GCC2: variants seen among roughly 807,000 people sequenced by gnomAD.
GCC2 encodes the protein GRIP and coiled-coil domain-containing protein 2.
In GCC2, 120 loss-of-function variants were observed where a neutral mutation model predicts 210.6. The observed-to-expected ratio is 0.57, with a 90% CI of 0.49 to 0.66. The LOEUF is 0.66. GCC2 is among the 30% of genes least tolerant of loss of function. The pLI, the probability that GCC2 is intolerant of heterozygous loss-of-function variation, is 0.00. For synonymous variants in GCC2, 703 were observed against 652.7 expected, an observed-to-expected ratio of 1.08 and a Z score of -1.17; for missense variants, 1,868 against 1,871.9, an observed-to-expected ratio of 1.00 and a Z score of 0.04.
At chr2:108,482,177 A>G (rs1191994623) in intron 10 of GCC2, 110 bp from the exon 11 acceptor site, 2 of 669,002 alleles carry the variant, frequency 3.0e-6, no homozygotes, top group African/African-American at 1.8e-5. Flanking sequence ...GGACTTGGAA[A>G]TCTTCATTTG....
chr2:108,494,310 G>A (rs182130050), intron 19 of GCC2: 1 of 152,432 alleles, frequency 6.6e-6, no homozygotes, highest in Admixed American at 6.5e-5. Context: ...GGAGGCAGAG[G>A]TTGCTGTGAG....
Position 108,484,158 on chromosome 2 carries a change from C to A in GCC2, c.3460C>A (p.Gln1154Lys). The A allele has an allele frequency of 6.3e-7, 1 of 1,576,626 alleles. No individual in the cohort carries two copies. The highest frequency in any genetic ancestry group is 1.4e-5 in the African/African-American group (1 of 72,552). Residue 1154 changes from glutamine to lysine, a missense_variant, in exon 13 of 23, where the codon CAA (glutamine) becomes AAA (lysine). Coordinates refer to ENST00000309863, the MANE Select transcript of GCC2 (RefSeq NM_181453.4). ...ELELVKKDAQ[Q>K]TTLMNMEIAD... The stretch of plus-strand genomic sequence containing the variant: ...CTTATAAAATGTGCAGGATGCCCAA[C>A]AAACCACATTGATGAATATGGAAAT...
chr2:108,506,036 G>T (rs552317666), intron 22 of GCC2, among the ~76,000 whole-genome samples: 2 of 152,236 alleles, frequency 1.3e-5, no homozygotes, highest in African/African-American at 4.8e-5. Context: ...CAAGAGGAAT[G>T]AAAACCAGTA....
At position 108,495,828 on chromosome 2, in the gene GCC2, G is replaced by C. The variant is rs180925191; in HGVS notation, c.4642+343G>C. ...CATCCAGCACAGGAGAAAGATGTAG[G>C]TTGGGAGGCTAGGCCAGTCTCGCCT... On this transcript the variant is annotated intron_variant, in intron 20 of 22. Coordinates refer to ENST00000309863, the MANE Select transcript of GCC2 (RefSeq NM_181453.4). 471 of 162,692 alleles carry C rather than the reference G, an allele frequency of 2.9e-3. 3 individuals carry two copies. The highest frequency in any genetic ancestry group is 0.011 in the African/African-American group (454 of 41,726). The allele number at this position is 162,692 out of a possible 1,614,324, so 10.1% of individuals were successfully genotyped here.
intron 9 of GCC2, among the ~76,000 whole-genome samples, chr2:108,479,343 C>T (rs941484320): frequency 6.6e-6 from 1 of 151,944 alleles, no homozygotes. Flanking sequence ...GTCAAGGATC[C>T]GATCTGGGAA....
chr2:108,458,174 T>A (rs563086820), intron 4 of GCC2, among the ~76,000 whole-genome samples: 1 of 152,306 alleles, frequency 6.6e-6, no homozygotes, highest in East Asian at 1.9e-4. Context: ...TCTAGTGAGA[T>A]GACATACGAC....
intron 22 of GCC2, 175 bp from the exon 23 acceptor site, chr2:108,507,385 C>T (rs1683242462): frequency 2.4e-6 from 1 of 414,016 alleles, no homozygotes; most frequent in African/African-American, 2.2e-5. Flanking sequence ...CAGAGCAAGA[C>T]CCTGTCTCAA....
intron 4 of GCC2, among the ~76,000 whole-genome samples, chr2:108,463,698 A>G (rs1440721627): frequency 6.6e-6 from 1 of 152,164 alleles, no homozygotes; most frequent in Admixed American, 6.5e-5. Flanking sequence ...AGGTGCTGGG[A>G]ATGGCAGCAG....
chr2:108,466,138 T>G (rs1386604893), intron 4 of GCC2, among the ~76,000 whole-genome samples: 1 of 152,168 alleles, frequency 6.6e-6, no homozygotes, highest in Non-Finnish European at 1.5e-5. Context: ...TTATTTGGGG[T>G]TTTTTATTGC....
intron 4 of GCC2, among the ~76,000 whole-genome samples, chr2:108,462,142 A>C (rs1558732874): frequency 6.8e-6 from 1 of 146,112 alleles, no homozygotes; most frequent in Non-Finnish European, 1.5e-5. Flanking sequence ...CGGCCACTAA[A>C]TAGGTTTTCT....
intron 18 of GCC2, among the ~76,000 whole-genome samples, chr2:108,491,373 T>C (rs1682398629): frequency 6.6e-6 from 1 of 152,226 alleles, no homozygotes; most frequent in Non-Finnish European, 1.5e-5. Flanking sequence ...TAACCTCCGA[T>C]GGTTCTTCCT....
chr2:108,468,574 C>T (rs967542614), intron 4 of GCC2, among the ~76,000 whole-genome samples: 4 of 152,078 alleles, frequency 2.6e-5, no homozygotes, highest in African/African-American at 9.7e-5. Flanking sequence ...TTATTTCTTG[C>T]TTACTCTCTG....
intron 2 of GCC2, among the ~76,000 whole-genome samples, chr2:108,450,701 G>A (rs1187666423): frequency 6.6e-6 from 1 of 152,226 alleles, no homozygotes; most frequent in Non-Finnish European, 1.5e-5. Context: ...GGCCAACATG[G>A]TGAAACCCCG....
At chr2:108,450,061 A>G (rs754791370) in intron 2 of GCC2, 31 of 197,224 alleles carry the variant, frequency 1.6e-4, no homozygotes, top group Admixed American at 1.2e-3. Flanking sequence ...TAATTAGTCC[A>G]GTTTTATGGC....
At chr2:108,491,328 C>G (rs1682395481) in intron 18 of GCC2, among the ~76,000 whole-genome samples, 1 of 152,102 alleles carries the variant, frequency 6.6e-6, no homozygotes, top group African/African-American at 2.4e-5. Context: ...ACACTTTACC[C>G]ACCTCTAATT....
chr2:108,506,512 C>T (rs1431429601), intron 22 of GCC2, among the ~76,000 whole-genome samples: 4 of 152,206 alleles, frequency 2.6e-5, no homozygotes, highest in South Asian at 2.1e-4. Flanking sequence ...AGGCCTTGGT[C>T]GGTGGTGGTA....
intron 4 of GCC2, among the ~76,000 whole-genome samples, chr2:108,460,415 T>A (rs1048832882): frequency 2.6e-5 from 4 of 152,226 alleles, no homozygotes; most frequent in African/African-American, 9.6e-5. Context: ...TTCTGGTTGC[T>A]TTATATATTC....
chr2:108,486,759 C>T, intron 16 of GCC2, 111 bp downstream of exon 16: 2 of 928,302 alleles, frequency 2.2e-6, no homozygotes, highest in Non-Finnish European at 3.2e-6. Flanking sequence ...GTTAAGAGCA[C>T]TTACTAGATT....
At chr2:108,476,737 T>G (rs1681549445) in intron 9 of GCC2, among the ~76,000 whole-genome samples, 1 of 152,194 alleles carries the variant, frequency 6.6e-6, no homozygotes, top group Admixed American at 6.5e-5. Context: ...GCAGACTGAC[T>G]TCTGAGTTCT....
Sources: gnomAD v4.1 joint callset for allele counts (sites outside exome capture counted in the v4.1 genomes callset) on GRCh38, gnomAD v4.1.1 for gene constraint, MANE v1.5 for transcripts, NCBI Gene and HGNC (gene_info 2026-07-23, HGNC 2026-07-21) for gene names.